The following LRP2 variants were observed in gnomAD, a reference collection of about 807,000 sequenced individuals.
The protein encoded by LRP2 is LDL receptor related protein 2.
A neutral mutation model predicts 531.0 loss-of-function variants in LRP2; 172 were observed. That is an observed-to-expected ratio of 0.32 (90% CI 0.29 to 0.37). LRP2 has a LOEUF of 0.37. Ranked by LOEUF, LRP2 falls within the 10% of genes least tolerant of loss-of-function variation. LRP2 has a pLI of 1.00. For missense variants in LRP2, 5,167 were observed against 5,868.3 expected (o/e 0.88, Z 3.90); for synonymous variants, 1,992 against 2,027.6 (o/e 0.98, Z 0.47).
intron 16 of LRP2, among the ~76,000 whole-genome samples, chr2:169,269,750 C>T (rs1683348427): frequency 1.3e-5 from 2 of 152,134 alleles, no homozygotes; most frequent in South Asian, 2.1e-4. Context: ...CCAAAATTGA[C>T]AAATGGGATC....
At chr2:169,205,896 C>A in intron 40 of LRP2, 127 bp downstream of exon 40, 1 of 1,296,260 alleles carries the variant, frequency 7.7e-7, no homozygotes, top group Non-Finnish European at 1.1e-6. Context: ...AATATGCTTT[C>A]ATTTTTGAAT....
chr2:169,238,107 C>G lies in LRP2; in HGVS notation c.4490G>C (p.Gly1497Ala). 6.2e-7 allele frequency: 1 copy of G among 1,613,986 alleles called. No homozygotes were observed. Among genetic ancestry groups the G allele is most frequent in the Non-Finnish European group, 8.5e-7 (1 of 1,179,872 alleles). Reference sequence around the variant, plus strand: ...TGTACTTACCACTCTTCTGTCCGTTCCATTTTGAAACGCACTCCAGGTTTT... The same window carrying G: ...TGTACTTACCACTCTTCTGTCCGTTGCATTTTGAAACGCACTCCAGGTTTT... ...QGKTWSAFQNGTDRRVVFDSS... is the reference protein window; with the variant it reads ...QGKTWSAFQNATDRRVVFDSS... Residue 1497 changes from glycine (G) to alanine (A), a missense_variant, in exon 27 of 79, where the codon GGA (glycine) becomes GCA (alanine). Physicochemically the swap from Gly to Ala is moderately conservative, Grantham distance 60 (BLOSUM62 0). This residue lies in a region of LRP2 where 2,811 missense variants were observed against 3,058.0 expected (regional missense o/e 0.92). Transcript: ENST00000649046.
At position 169,292,274 on chromosome 2, in the gene LRP2, T is replaced by C; in HGVS notation, c.748A>G (p.Asn250Asp). 6.2e-7 allele frequency: 1 copy of C among 1,613,148 alleles called. No individual in the cohort carries two copies. The highest frequency in any genetic ancestry group is 8.5e-7 in the Non-Finnish European group (1 of 1,179,116). ...VCDGEDDCKDNGDEDGCESGP... is the reference protein window; with the variant it reads ...VCDGEDDCKDDGDEDGCESGP... ...TTACCACATCCATCTTCATCTCCAT[T>C]ATCTTTACAGTCATCTTCTCCATCA... The change falls in exon 7 of 79, where the codon AAT becomes GAT. Residue 250 changes from asparagine (N) to aspartate (D), a missense_variant. Around this residue, in one of 6 missense-constraint regions of LRP2, gnomAD observed 2,811 missense variants for 3,058.0 expected, o/e 0.92. Coordinates refer to ENST00000649046, the MANE Select transcript of LRP2 (RefSeq NM_004525.3).
In LRP2 at chr2:169,206,064, G is replaced by T. The variant is rs773316402; in HGVS notation, c.7515C>A (p.Arg2505=). ...ACACAATTGCTCTTGGTTTTGGAAC[G>T]CGGGCTATCACAGTGCGGTTAGACC... ...EDGSNRTVIA[R]VPKPRAIVLD... The change falls in exon 40 of 79, where the codon CGC becomes CGA. Residue 2505 remains arginine (R), a synonymous_variant. Transcript: ENST00000649046. 5.6e-6 allele frequency: 9 copies of T among 1,614,182 alleles called. No homozygotes were observed. Among genetic ancestry groups the T allele is most frequent in the Middle Eastern group, 3.3e-4 (2 of 6,060 alleles).
intron 4 of LRP2, among the ~76,000 whole-genome samples, chr2:169,302,631 G>T (rs2105484678): frequency 6.6e-6 from 1 of 152,200 alleles, no homozygotes; most frequent in Middle Eastern, 3.4e-3. Context: ...CCTGCTCCAG[G>T]TCTAGCTACT....
rs544838517 is a variant in LRP2 at position 169,170,235 on chromosome 2, C to T, written c.11380+316G>A. On this transcript the variant is annotated intron_variant, in intron 59 of 78. Transcript: ENST00000649046. Reference sequence around the variant, plus strand: ...ATGCATATTCCTTAGGGTGACTTTCCGTGGAATAGTAGCAAGATCAATGTC... The same window carrying T: ...ATGCATATTCCTTAGGGTGACTTTCTGTGGAATAGTAGCAAGATCAATGTC... Among the ~76,000 whole-genome samples the T allele has an allele frequency of 7.7e-4, 117 of 152,228 alleles. 3 individuals are homozygous for T. Among genetic ancestry groups the T allele is most frequent in the African/African-American group, 2.2e-3 (90 of 41,554 alleles).
chr2:169,293,661 C>G (rs528755103), intron 6 of LRP2, among the ~76,000 whole-genome samples: 1 of 141,302 alleles, frequency 7.1e-6, no homozygotes, highest in African/African-American at 2.7e-5. Flanking sequence ...GGCAACAAAG[C>G]AAAACTCCAT....
intron 8 of LRP2, among the ~76,000 whole-genome samples, chr2:169,289,638 T>C (rs1389593329): frequency 5.3e-5 from 8 of 151,960 alleles, no homozygotes; most frequent in Admixed American, 3.9e-4. Context: ...GTCTTATTTA[T>C]GAAAAAAAAA....
intron 19 of LRP2, among the ~76,000 whole-genome samples, chr2:169,255,215 G>A (rs1382577136): frequency 2.6e-5 from 4 of 152,102 alleles, no homozygotes; most frequent in Non-Finnish European, 5.9e-5. Flanking sequence ...AGTAATCATG[G>A]TTTGTCAAAC....
intron 1 of LRP2, among the ~76,000 whole-genome samples, chr2:169,328,899 T>C (rs1340225850): frequency 1.3e-5 from 2 of 152,244 alleles, no homozygotes; most frequent in Non-Finnish European, 2.9e-5. Flanking sequence ...GTGCTTCCCA[T>C]GCATTACCTT....
chr2:169,308,487 C>G lies in LRP2; in HGVS notation c.311-1090G>C, dbSNP rs528888604. Reference sequence around the variant, plus strand: ...AACATGCGGTGTTTGGTTTTCTGTCCTTGCGATAGTTTGCTCAGAATGATC... The same window carrying G: ...AACATGCGGTGTTTGGTTTTCTGTCGTTGCGATAGTTTGCTCAGAATGATC... On this transcript the variant is annotated intron_variant, in intron 3 of 78. Coordinates refer to ENST00000649046, the MANE Select transcript of LRP2 (RefSeq NM_004525.3). Among the ~76,000 whole-genome samples the G allele has an allele frequency of 2.0e-3, 307 of 152,232 alleles. 1 individual carries two copies. The highest frequency in any genetic ancestry group is 7.0e-3 in the African/African-American group (292 of 41,526).
At chr2:169,257,619 A>T (rs982630509) in intron 17 of LRP2, among the ~76,000 whole-genome samples, 2 of 152,112 alleles carry the variant, frequency 1.3e-5, no homozygotes, top group African/African-American at 4.8e-5. Flanking sequence ...GCAAGAAAAC[A>T]TTTCAATCTC....
At chr2:169,307,186 G>T in intron 4 of LRP2, 95 bp downstream of exon 4, 1 of 839,692 alleles carries the variant, frequency 1.2e-6, no homozygotes, top group Non-Finnish European at 2.1e-6. Flanking sequence ...CATATTGTAG[G>T]CATTTATGTC....
At chr2:169,344,209 T>C (rs953617071) in intron 1 of LRP2, among the ~76,000 whole-genome samples, 1 of 148,748 alleles carries the variant, frequency 6.7e-6, no homozygotes, top group African/African-American at 2.5e-5. Context: ...CATGGTGGTT[T>C]GCTGCACCCA....
At chr2:169,210,904 T>C (rs886756395) in intron 37 of LRP2, among the ~76,000 whole-genome samples, 3 of 152,198 alleles carry the variant, frequency 2.0e-5, no homozygotes, top group Non-Finnish European at 4.4e-5. Flanking sequence ...CACACACACA[T>C]ACAAATTGAG....
At chr2:169,179,837 A>G (rs1482442496) in intron 52 of LRP2, among the ~76,000 whole-genome samples, 1 of 116,478 alleles carries the variant, frequency 8.6e-6, no homozygotes, top group Admixed American at 7.9e-5. Context: ...TTATGCATCT[A>G]TGAAATATAT....
At chr2:169,205,989 A>G in intron 40 of LRP2, 34 bp downstream of exon 40, 1 of 1,614,054 alleles carries the variant, frequency 6.2e-7, no homozygotes, top group Non-Finnish European at 8.5e-7. Context: ...AGAAATAAGC[A>G]GACAGAAATA....
At chr2:169,136,194 T>C (rs963434117) in intron 76 of LRP2, among the ~76,000 whole-genome samples, 16 of 152,030 alleles carry the variant, frequency 1.1e-4, no homozygotes, top group Admixed American at 5.2e-4. Context: ...CCCCACAATA[T>C]CACCCCTTAC....
chr2:169,219,493 T>C lies in LRP2; in HGVS notation c.5648+961A>G, dbSNP rs1008989337. On this transcript the variant is annotated intron_variant, in intron 34 of 78. Transcript: ENST00000649046. ...ACCATTTTCTCCTAACTGGTCTCCCTGGCCCTGGCCTCTCTCCACATCAAT... is the reference window on the plus strand; with the variant it reads ...ACCATTTTCTCCTAACTGGTCTCCCCGGCCCTGGCCTCTCTCCACATCAAT... 3.0e-4 allele frequency among the ~76,000 whole-genome samples: 46 copies of C among 152,226 alleles called. 1 individual carries two copies. Among genetic ancestry groups the C allele is most frequent in the Non-Finnish European group, 4.4e-5 (3 of 68,042 alleles).
Sources: gnomAD v4.1 joint callset for allele counts (sites outside exome capture counted in the v4.1 genomes callset) on GRCh38, gnomAD v4.1.1 for gene constraint, gnomAD v4.1.1 regional missense constraint, MANE v1.5 for transcripts, NCBI Gene and HGNC (gene_info 2026-07-23, HGNC 2026-07-21) for gene names.